The following SSUH2 variants were observed in gnomAD, a reference collection of about 807,000 sequenced individuals.
SSUH2 encodes the protein ssu-2 homolog, also known as protein SSUH2 homolog.
Under a neutral mutation model 55.3 loss-of-function variants are expected in SSUH2, and 47 were observed. That is an observed-to-expected ratio of 0.85 (90% confidence interval 0.67 to 1.08). The LOEUF is 1.08. SSUH2 is among the 50% of genes least tolerant of loss of function. The pLI, the probability that SSUH2 is intolerant of heterozygous loss-of-function variation, is 0.00. For synonymous variants in SSUH2, 212 were observed against 191.5 expected (o/e 1.11, Z -0.89); for missense variants, 535 against 490.7 (o/e 1.09, Z -0.85).
rs137989275 is a variant in SSUH2 at position 8,679,316 on chromosome 3, A to C, written c.-901+389T>G. ...AGCCACCCCCCATGAGGCGGGGACT[A>C]AGAGCCAGCCCCTCTTCCCGCCCCT... On this transcript the variant is annotated intron_variant, in intron 2 of 18. Coordinates refer to the SSUH2 transcript ENST00000317371. 6.2e-4 allele frequency among the ~76,000 whole-genome samples: 39 copies of C among 63,192 alleles called. 11 individuals carry two copies. Among genetic ancestry groups the C allele is most frequent in the Non-Finnish European group, 1.0e-3 (28 of 27,886 alleles). The allele number at this position is 63,192 out of a possible 152,430, so 41.5% of individuals were successfully genotyped here.
chr3:8,649,923 C>T (rs772137634), intron 7 of SSUH2, among the ~76,000 whole-genome samples: 5 of 152,154 alleles, frequency 3.3e-5, no homozygotes, highest in Admixed American at 2.0e-4. Context: ...GCTCTGCGAG[C>T]GACCCCCTGC....
In SSUH2 at chr3:8,660,461, T is replaced by C. The variant is rs113277550; in HGVS notation, c.-395-1448A>G. On this transcript the variant is annotated intron_variant, in intron 6 of 18. Coordinates refer to the SSUH2 transcript ENST00000317371. ...GAAGAAAAGAACAAGTTTTCCTCTG[T>C]CTAGCAATCTCACTTCAAGAACAGT... Among the ~76,000 whole-genome samples, 557 of 152,322 alleles carry C rather than the reference T, an allele frequency of 3.7e-3. 3 individuals are homozygous for C. The highest frequency in any genetic ancestry group is 0.013 in the African/African-American group (531 of 41,580).
chr3:8,659,907 C>T, intron 6 of SSUH2: 2 of 414,518 alleles, frequency 4.8e-6, no homozygotes, highest in Admixed American at 2.7e-5. Context: ...GGGAAGCAGA[C>T]ATCTGAGTTG....
chr3:8,681,441 C>T (rs1705939622), intron 1 of SSUH2, among the ~76,000 whole-genome samples: 1 of 150,546 alleles, frequency 6.6e-6, no homozygotes, highest in South Asian at 2.1e-4. Context: ...AGAGCCAGCC[C>T]CTCTTCCCCC....
intron 1 of SSUH2, among the ~76,000 whole-genome samples, chr3:8,643,743 T>A (rs1341999666): frequency 6.6e-6 from 1 of 152,212 alleles, no homozygotes; most frequent in Non-Finnish European, 1.5e-5. Flanking sequence ...GTCATGGATC[T>A]CTCTGGATTC....
chr3:8,626,232 A>G lies in SSUH2; in HGVS notation c.764T>C (p.Met255Thr), dbSNP rs779330228. The G allele has an allele frequency of 1.6e-5, 26 of 1,613,574 alleles. No individual in the cohort carries two copies. The highest frequency in any genetic ancestry group is 3.3e-5 in the South Asian group (3 of 91,052). Residue 255 changes from methionine (M) to threonine (T), a missense_variant, in exon 9 of 12, where the codon ATG (methionine) becomes ACG (threonine). Physicochemically the swap from Met to Thr is moderately conservative, Grantham distance 81. Coordinates refer to ENST00000544814, the MANE Select transcript of SSUH2 (RefSeq NM_001256748.3). Reference protein sequence around the residue: ...KLLHFIQLVIMWKNSLFEFVS... With the variant: ...KLLHFIQLVITWKNSLFEFVS... ...GCATTGAGACACTGCCACATACCAC[A>G]TGATGACAAGCTGGATGAAGTGCAA...
In SSUH2 at chr3:8,661,054, T is replaced by C. The variant is rs528094062; in HGVS notation, c.-395-2041A>G. Among the ~76,000 whole-genome samples the C allele has an allele frequency of 5.3e-5, 8 of 152,366 alleles. No individual in the cohort carries two copies. The East Asian group carries it at 1.5e-3, about 29-fold the overall frequency. ...TGAAGCTGTCCAGCCCAGCTGGCCATGCATTTCTGGCTCTCATGCTCTTGG... is the reference window on the plus strand; with the variant it reads ...TGAAGCTGTCCAGCCCAGCTGGCCACGCATTTCTGGCTCTCATGCTCTTGG... On this transcript the variant is annotated intron_variant, in intron 6 of 18. Transcript: ENST00000317371.
In SSUH2 at chr3:8,636,549, G is replaced by A. The variant is rs79453385; in HGVS notation, c.29-692C>T. On this transcript the variant is annotated intron_variant, in intron 1 of 11. Transcript: ENST00000544814. ...GACATAAAAACATTGTTGTTTTAAGGCACCGAGATGTGGGGTCATTTGTTA... is the reference window on the plus strand; with the variant it reads ...GACATAAAAACATTGTTGTTTTAAGACACCGAGATGTGGGGTCATTTGTTA... 3.0e-3 allele frequency among the ~76,000 whole-genome samples: 455 copies of A among 152,036 alleles called. 3 individuals carry two copies. Among genetic ancestry groups the A allele is most frequent in the African/African-American group, 0.01 (429 of 41,448 alleles).
chr3:8,677,854 G>A (rs1243888024), intron 2 of SSUH2, among the ~76,000 whole-genome samples: 1 of 150,570 alleles, frequency 6.6e-6, no homozygotes, highest in African/African-American at 2.4e-5. Context: ...CTCAGGATCT[G>A]CGGTGGACTC....
rs982096847 is a variant in SSUH2, at chr3:8,620,091, C to T, written c.982-77G>A. 1.6e-4 allele frequency: 237 copies of T among 1,507,164 alleles called. 1 individual carries two copies. Among genetic ancestry groups the T allele is most frequent in the South Asian group, 1.0e-3 (81 of 79,768 alleles). 93.4% of individuals were successfully genotyped at this position (1,507,164 alleles called of 1,614,324 possible). On this transcript the variant is annotated intron_variant, in intron 11 of 11. Coordinates refer to ENST00000544814, the MANE Select transcript of SSUH2 (RefSeq NM_001256748.3). ...ACCTGCTCAGGAACTTTCAGTAGCT[C>T]CCTACTGTGTGTGGTATGAAAGGTC... is the stretch of plus-strand genomic sequence containing the variant.
chr3:8,673,838 G>A (rs756175031), intron 3 of SSUH2, among the ~76,000 whole-genome samples: 3 of 152,238 alleles, frequency 2.0e-5, no homozygotes, highest in African/African-American at 4.8e-5. Context: ...CATTAAAGAC[G>A]GGAGCTCAAA....
intron 11 of SSUH2, 119 bp from the exon 12 acceptor site, chr3:8,620,133 A>G: frequency 8.9e-7 from 1 of 1,120,934 alleles, no homozygotes; most frequent in Non-Finnish European, 1.3e-6. Context: ...TGGAGTTGGC[A>G]TTCAATATGG....
chr3:8,639,846 A>C, intron 1 of SSUH2: 5 of 496,972 alleles, frequency 1.0e-5, no homozygotes, highest in Non-Finnish European at 1.3e-5. Context: ...CCTTTTGGAC[A>C]GGGGCCCCTG....
intron 1 of SSUH2, among the ~76,000 whole-genome samples, chr3:8,680,089 C>G (rs969200279): frequency 2.6e-5 from 4 of 152,142 alleles, no homozygotes; most frequent in Admixed American, 6.5e-5. Flanking sequence ...TTGTATGCAT[C>G]AGAGAGAGAA....
chr3:8,681,699 C>G (rs1179710978), intron 1 of SSUH2, among the ~76,000 whole-genome samples: 1 of 150,040 alleles, frequency 6.7e-6, no homozygotes, highest in East Asian at 2.0e-4. Context: ...CTCTTAGGAC[C>G]CCCATCGCAG....
chr3:8,661,638 A>C (rs574577065), intron 6 of SSUH2, among the ~76,000 whole-genome samples: 1 of 152,224 alleles, frequency 6.6e-6, no homozygotes, highest in Admixed American at 6.5e-5. Flanking sequence ...TAGCCAGACA[A>C]TCAAGGTTTT....
rs367875905 is a variant in SSUH2, at chr3:8,680,183, T to A, written c.-1045-334A>T. On this transcript the variant is annotated intron_variant, in intron 1 of 18. Transcript: ENST00000317371. Reference sequence around the variant, plus strand: ...ACGTCTCTAAACAACTAGACAGGGTTTCTAAAGGATGGCCCCCCGTTTGAG... The same window carrying A: ...ACGTCTCTAAACAACTAGACAGGGTATCTAAAGGATGGCCCCCCGTTTGAG... 3.9e-5 allele frequency among the ~76,000 whole-genome samples: 6 copies of A among 152,252 alleles called. No individual in the cohort carries two copies. In the East Asian group the frequency reaches 1.2e-3, roughly 29 times the overall value.
intron 1 of SSUH2, among the ~76,000 whole-genome samples, chr3:8,680,777 A>G (rs180875048): frequency 1.1e-4 from 17 of 152,124 alleles, no homozygotes; most frequent in East Asian, 5.8e-4. Flanking sequence ...TTGGAGTAAT[A>G]TCAACCTCTC....
intron 7 of SSUH2, among the ~76,000 whole-genome samples, chr3:8,652,839 T>A (rs1282782564): frequency 1.3e-5 from 2 of 152,184 alleles, no homozygotes; most frequent in Non-Finnish European, 2.9e-5. Context: ...CAGAAACAAC[T>A]GTTCTCTCCT....
Sources: allele counts gnomAD v4.1 joint callset (sites outside exome capture counted in the v4.1 genomes callset), GRCh38; gene constraint gnomAD v4.1.1; transcripts MANE v1.5; gene names NCBI Gene and HGNC (gene_info 2026-07-23, HGNC 2026-07-21).